Variants in ZBTB4 observed in about 807,000 individuals in gnomAD.
ZBTB4 encodes the protein zinc finger and BTB domain containing 4.
ZBTB4 carries 14 observed loss-of-function variants against 59.8 expected under a neutral mutation model. That is an observed-to-expected ratio of 0.23 (90% CI 0.15 to 0.37). The LOEUF is 0.37. Ranked by LOEUF, ZBTB4 falls within the 10% of genes least tolerant of loss-of-function variation. The pLI, the probability that ZBTB4 is intolerant of heterozygous loss-of-function variation, is 1.00. For missense variants in ZBTB4, 1,198 were observed against 1,380.8 expected, an observed-to-expected ratio of 0.87 and a Z score of 2.10; for synonymous variants, 587 against 575.2, an observed-to-expected ratio of 1.02 and a Z score of -0.29.
Position 7,465,926 on chromosome 17 carries a change from G to C in ZBTB4, c.876C>G (p.Phe292Leu), listed in dbSNP as rs1427385371. The change falls in exon 3 of 4, where the codon TTC becomes TTG. Residue 292 changes from phenylalanine (F) to leucine (L), a missense_variant. This residue lies in a region of ZBTB4 where 204 missense variants were observed against 205.5 expected (regional missense o/e 0.99). Coordinates refer to ENST00000380599, the MANE Select transcript of ZBTB4 (RefSeq NM_001128833.2). Reference protein sequence around the residue: ...DASALPPPVGFRGGPEHVVKV... With the variant: ...DASALPPPVGLRGGPEHVVKV... ...TCACCACGTGCTCGGGGCCCCCTCGGAAGCCCACTGGTGGAGGCAGGGCTG... is the reference window on the plus strand; with the variant it reads ...TCACCACGTGCTCGGGGCCCCCTCGCAAGCCCACTGGTGGAGGCAGGGCTG... The C allele has an allele frequency of 6.2e-7, 1 of 1,609,910 alleles. No homozygotes were observed. The highest frequency in any genetic ancestry group is 8.5e-7 in the Non-Finnish European group (1 of 1,177,284).
chr17:7,473,403 C>T (rs913503835), intron 1 of ZBTB4, among the ~76,000 whole-genome samples: 1 of 152,064 alleles, frequency 6.6e-6, no homozygotes, highest in African/African-American at 2.4e-5. Context: ...GCATGAGCCA[C>T]CGCGCCTGGC....
At chr17:7,475,831 C>T (rs751778884) in intron 1 of ZBTB4, among the ~76,000 whole-genome samples, 1 of 152,176 alleles carries the variant, frequency 6.6e-6, no homozygotes, top group Non-Finnish European at 1.5e-5. Flanking sequence ...AGTCAAGATT[C>T]GAATCCAGGC....
At chr17:7,472,349 T>A (rs2070209891) in intron 1 of ZBTB4, among the ~76,000 whole-genome samples, 1 of 151,930 alleles carries the variant, frequency 6.6e-6, no homozygotes, top group African/African-American at 2.4e-5. Flanking sequence ...TGCCACCACG[T>A]CCGGCTAATT....
chr17:7,483,518 G>C (rs2070374611), upstream of ZBTB4: 1 of 192,430 alleles, frequency 5.2e-6, no homozygotes, highest in Non-Finnish European at 1.1e-5. Flanking sequence ...TGTCGTCTCT[G>C]CTTTGGAGGG....
At position 7,466,676 on chromosome 17, in the gene ZBTB4, A is replaced by C; in HGVS notation, c.126T>G (p.Pro42=). 6.2e-7 allele frequency: 1 copy of C among 1,612,582 alleles called. No homozygotes were observed. Among genetic ancestry groups the C allele is most frequent in the Non-Finnish European group, 8.5e-7 (1 of 1,179,610 alleles). Reference sequence around the variant, plus strand: ...AAGCAGCCAGGACGCTGCGGTGAGCAGGGAACTTGGTGTCTCCGGCTATGA... The same window carrying C: ...AAGCAGCCAGGACGCTGCGGTGAGCCGGGAACTTGGTGTCTCCGGCTATGA... ...VTLIAGDTKF[P]AHRSVLAASS... is the part of the protein sequence containing the mutation. Residue 42 remains proline (P), a synonymous_variant, in exon 3 of 4, where the codon CCT becomes CCG. Transcript: ENST00000380599. The surrounding 1 kb of genome is among the most constrained non-coding windows in gnomAD (Gnocchi z 9.1).
chr17:7,464,004 G>A, intron 3 of ZBTB4, 114 bp from the exon 4 acceptor site: 1 of 1,487,540 alleles, frequency 6.7e-7, no homozygotes, highest in Non-Finnish European at 8.9e-7. Context: ...CCGTAGCCTT[G>A]TGCTGCCTCC....
At position 7,461,585 on chromosome 17, in the gene ZBTB4, G is replaced by A. The variant is rs778942402; in HGVS notation, c.*355C>T. ...GAGAGATGGTTTCCCCTAGGTTTACGAATCAGGGGAGCAGGTTAGACATTC... is the reference window on the plus strand; with the variant it reads ...GAGAGATGGTTTCCCCTAGGTTTACAAATCAGGGGAGCAGGTTAGACATTC... On this transcript the variant is annotated 3_prime_UTR_variant, in exon 4 of 4. Coordinates refer to ENST00000380599, the MANE Select transcript of ZBTB4 (RefSeq NM_001128833.2). 36 of 197,862 alleles carry A rather than the reference G, an allele frequency of 1.8e-4. No individual in the cohort carries two copies. Among genetic ancestry groups the A allele is most frequent in the East Asian group, 6.3e-4 (5 of 7,954 alleles). 12.3% of individuals were successfully genotyped at this position (197,862 alleles called of 1,614,324 possible).
At position 7,463,378 on chromosome 17, in the gene ZBTB4, C is replaced by A; in HGVS notation, c.1604G>T (p.Ser535Ile). The A allele has an allele frequency of 6.3e-7, 1 of 1,599,694 alleles. No individual in the cohort carries two copies. The highest frequency in any genetic ancestry group is 8.5e-7 in the Non-Finnish European group (1 of 1,173,536). Residue 535 changes from serine to isoleucine, a missense_variant, in exon 4 of 4, where the codon AGC (serine) becomes ATC (isoleucine). Physicochemically the swap from Ser to Ile is moderately radical, Grantham distance 142. Around this residue, in one of 9 missense-constraint regions of ZBTB4, gnomAD observed 550 missense variants for 541.8 expected, o/e 1.02. Transcript: ENST00000380599. ...PPPEPAATPT[S>I]PATAVSPATA... ...GGCTGGGCTGACTGCTGTGGCTGGG[C>A]TGGTGGGTGTGGCTGCAGGCTCAGG...
rs1469079562 is a variant in ZBTB4, at chr17:7,462,747, T to C, written c.2235A>G (p.Gln745=). ...FTTLRKLRKH[Q]EAHGGGSHSS... ...TGTGGGAGCCCCCACCGTGGGCCTC[T>C]TGGTGCTTCCGCAGCTTTCTCAGGG... Residue 745 remains glutamine (Q), a synonymous_variant, in exon 4 of 4, where the codon CAA becomes CAG. Coordinates refer to ENST00000380599, the MANE Select transcript of ZBTB4 (RefSeq NM_001128833.2). This position sits in a 1 kb window ranked among gnomAD's most constrained non-coding sequence, Gnocchi z 7.5. 6.2e-7 allele frequency: 1 copy of C among 1,603,340 alleles called. No homozygotes were observed. The highest frequency in any genetic ancestry group is 8.5e-7 in the Non-Finnish European group (1 of 1,179,830).
rs773056046 is a variant in ZBTB4 at position 7,463,736 on chromosome 17, G to A, written c.1246C>T (p.Arg416Cys). ...KPKLNTLKLY[R>C]LLPMRAAKRP... ...TTGGCTGCCCGCATGGGGAGCAGGC[G>A]GTAGAGCTTGAGTGTATTGAGCTTG... Residue 416 changes from arginine to cysteine, a missense_variant, in exon 4 of 4, where the codon CGC (arginine) becomes TGC (cysteine). By Grantham distance (180) the Arg-to-Cys change is radical. Transcript: ENST00000380599. The A allele has an allele frequency of 6.2e-7, 1 of 1,614,022 alleles. No individual in the cohort carries two copies. Among genetic ancestry groups the A allele is most frequent in the Non-Finnish European group, 8.5e-7 (1 of 1,180,014 alleles).
rs2069990939 is a variant in ZBTB4 at position 7,459,698 on chromosome 17, T to C, written c.*2242A>G. ...CCCAGCTCAAATACATATATTTTAA[T>C]CTCCACGTCGCCACAATCTCATTTG... On this transcript the variant is annotated 3_prime_UTR_variant, in exon 4 of 4. Transcript: ENST00000380599. 1 of 152,410 alleles carries C rather than the reference T, an allele frequency of 6.6e-6. No individual in the cohort carries two copies. The highest frequency in any genetic ancestry group is 2.1e-4 in the South Asian group (1 of 4,820). 9.4% of individuals were successfully genotyped at this position (152,410 alleles called of 1,614,324 possible). A position where few individuals can be genotyped will look rare whatever the true frequency, so the allele number is the denominator to read the frequency against.
chr17:7,463,403 G>T lies in ZBTB4; in HGVS notation c.1579C>A (p.Pro527Thr), dbSNP rs192870489. 2.8e-4 allele frequency: 450 copies of T among 1,585,974 alleles called. 3 individuals are homozygous for T. The South Asian group carries it at 4.9e-3, about 17-fold the overall frequency. Residue 527 changes from proline to threonine, a missense_variant, in exon 4 of 4, where the codon CCT becomes ACT. Physicochemically the swap from Pro to Thr is conservative, Grantham distance 38. Transcript: ENST00000380599. ...CTGGTGGGTGTGGCTGCAGGCTCAG[G>T]GGGAGGAGGTGGGTATTCTCGTTTC... ...PKKREYPPPP[P>T]EPAATPTSPA...
chr17:7,467,093 G>C (rs1234954239), intron 2 of ZBTB4, 164 bp downstream of exon 2: 1 of 907,934 alleles, frequency 1.1e-6, no homozygotes, highest in Non-Finnish European at 1.3e-6. Context: ...ACAGACTAGA[G>C]ATGTAAGTGA....
intron 1 of ZBTB4, among the ~76,000 whole-genome samples, chr17:7,471,137 TCACA>T (rs2070192264): frequency 6.6e-6 from 1 of 152,242 alleles, no homozygotes; most frequent in Admixed American, 6.5e-5. Flanking sequence ...GCCCTTAAGA[TCACA>T]CACAATCATT....
In ZBTB4 at chr17:7,463,580, G is replaced by C. The variant is rs1172840196; in HGVS notation, c.1402C>G (p.Pro468Ala). 2 of 1,595,408 alleles carry C rather than the reference G, an allele frequency of 1.3e-6. No homozygotes were observed. The highest frequency in any genetic ancestry group is 1.7e-6 in the Non-Finnish European group (2 of 1,171,366). ...TGGGCAAAAGTGATGACAGAGGGTG[G>C]AGGGCCAGGCTCTGGGGCAGGTGGA... ...GPPPAPEPGP[P>A]PSVITFAHPA... The change falls in exon 4 of 4, where the codon CCA (proline) becomes GCA (alanine). Residue 468 changes from proline (P) to alanine (A), a missense_variant. This residue lies in a region of ZBTB4 where 550 missense variants were observed against 541.8 expected (regional missense o/e 1.02). Coordinates refer to ENST00000380599, the MANE Select transcript of ZBTB4 (RefSeq NM_001128833.2).
intron 3 of ZBTB4, among the ~76,000 whole-genome samples, chr17:7,464,770 A>G (rs1451900505): frequency 6.2e-5 from 9 of 145,618 alleles, no homozygotes; most frequent in African/African-American, 2.3e-4. Flanking sequence ...CCCAGGAGGT[A>G]GAGGTTGCAC....
In ZBTB4 at chr17:7,461,199, T is replaced by C. The variant is rs989217868; in HGVS notation, c.*741A>G. 1 of 152,678 alleles carries C rather than the reference T, an allele frequency of 6.5e-6. No individual in the cohort carries two copies. The highest frequency in any genetic ancestry group is 2.1e-4 in the South Asian group (1 of 4,824). The allele number at this position is 152,678 out of a possible 1,614,324, so 9.5% of individuals were successfully genotyped here. The stretch of plus-strand genomic sequence containing the variant: ...GATTTGGGGGTCAAGATAGGGCCAA[T>C]ATTTCCCTGCCCTGGACTGGGAAAG... On this transcript the variant is annotated 3_prime_UTR_variant, in exon 4 of 4. Coordinates refer to ENST00000380599, the MANE Select transcript of ZBTB4 (RefSeq NM_001128833.2).
At chr17:7,481,261 T>C, upstream of ZBTB4, 1 of 339,910 alleles carries the variant, frequency 2.9e-6, no homozygotes, top group Non-Finnish European at 5.0e-6. Context: ...ATCTGGGAGG[T>C]GGAGGTTGCA....
At position 7,462,049 on chromosome 17, in the gene ZBTB4, G is replaced by A. The variant is rs979138961; in HGVS notation, c.2933C>T (p.Pro978Leu). 4.4e-6 allele frequency: 7 copies of A among 1,600,888 alleles called. No homozygotes were observed. The highest frequency in any genetic ancestry group is 6.0e-6 in the Non-Finnish European group (7 of 1,173,184). ...FGYAVNPQAA[P>L]PAPPTPPPPT... ...GGGAGGTGGTGTTGGTGGGGCAGGG[G>A]GTGCTGCTTGAGGATTCACTGCGTA... The change falls in exon 4 of 4, where the codon CCC (proline) becomes CTC (leucine). Residue 978 changes from proline (P) to leucine (L), a missense_variant. Physicochemically the swap from Pro to Leu is moderately conservative, Grantham distance 98 (BLOSUM62 -3). Around this residue, in one of 9 missense-constraint regions of ZBTB4, gnomAD observed 211 missense variants for 236.1 expected, o/e 0.89. Coordinates refer to ENST00000380599, the MANE Select transcript of ZBTB4 (RefSeq NM_001128833.2). This position sits in a 1 kb window ranked among gnomAD's most constrained non-coding sequence, Gnocchi z 7.5.
Sources: allele counts gnomAD v4.1 joint callset (sites outside exome capture counted in the v4.1 genomes callset), GRCh38; gene constraint gnomAD v4.1.1; regional missense constraint gnomAD v4.1.1; non-coding constraint Gnocchi (gnomAD v3.1); transcripts MANE v1.5; gene names NCBI Gene and HGNC (gene_info 2026-07-23, HGNC 2026-07-21).